Variants in SYNE1 observed in about 807,000 individuals in gnomAD.
SYNE1 encodes the protein nesprin-1.
SYNE1 carries 616 observed loss-of-function variants against 1,111.0 expected under a neutral mutation model. The ratio of observed to expected loss-of-function variants is 0.55; its 90% CI spans 0.52 to 0.59. The LOEUF is 0.59. SYNE1 is among the 20% of genes least tolerant of loss of function. The pLI, the probability that SYNE1 is intolerant of heterozygous loss-of-function variation, is 0.00. For missense variants in SYNE1, 10,006 were observed against 10,417.0 expected (o/e 0.96, Z 1.72); for synonymous variants, 3,855 against 3,825.8 (o/e 1.01, Z -0.28).
chr6:152,439,588 T>C (rs921468467), intron 32 of SYNE1, among the ~76,000 whole-genome samples: 1 of 152,214 alleles, frequency 6.6e-6, no homozygotes, highest in East Asian at 1.9e-4. Flanking sequence ...GAATATCGTA[T>C]AGACTTGAAA....
chr6:152,538,687 C>A (rs2099255659), intron 4 of SYNE1, among the ~76,000 whole-genome samples: 1 of 151,430 alleles, frequency 6.6e-6, no homozygotes, highest in Admixed American at 6.6e-5. Context: ...CAAATAGCTG[C>A]CAGATGGGAC....
intron 3 of SYNE1, among the ~76,000 whole-genome samples, chr6:152,551,532 C>T (rs2099346871): frequency 6.6e-6 from 1 of 152,120 alleles, no homozygotes; most frequent in Non-Finnish European, 1.5e-5. Flanking sequence ...CCTGAGAGTC[C>T]ATCAGGGAAA....
chr6:152,571,213 C>T (rs914110478), intron 3 of SYNE1, among the ~76,000 whole-genome samples: 9 of 152,142 alleles, frequency 5.9e-5, no homozygotes, highest in African/African-American at 2.2e-4. Flanking sequence ...AGAAATGACC[C>T]CTACTTGGTT....
chr6:152,230,501 C>A lies in SYNE1; in HGVS notation c.21195+46G>T. ...AGGCCTATAAACATATTAGCATACG[C>A]TATGAAATTGTGAGATGGTGCATGT... On this transcript the variant is annotated intron_variant, in intron 115 of 145. Coordinates refer to ENST00000367255, the MANE Select transcript of SYNE1 (RefSeq NM_182961.4). The A allele has an allele frequency of 1.9e-6, 3 of 1,588,708 alleles. No individual in the cohort carries two copies. In the South Asian group the frequency reaches 3.3e-5, roughly 18 times the overall value.
intron 6 of SYNE1, among the ~76,000 whole-genome samples, chr6:152,514,681 C>T (rs939416002): frequency 8.7e-5 from 13 of 148,812 alleles, no homozygotes; most frequent in East Asian, 3.9e-4. Flanking sequence ...AATGAAGAGA[C>T]GCCAAAGATT....
chr6:152,330,977 C>T lies in SYNE1; in HGVS notation c.13708G>A (p.Asp4570Asn). Residue 4570 changes from aspartate (D) to asparagine (N), a missense_variant, in exon 78 of 146, where the codon GAT becomes AAT. Physicochemically the swap from Asp to Asn is conservative, Grantham distance 23. This residue lies in a region of SYNE1 where 4,955 missense variants were observed against 5,017.2 expected (regional missense o/e 0.99). Transcript: ENST00000367255. ...AGCCAGTGGCAAGCTTTATCAAAAT[C>T]TTCCTTAAAATGCTTCCTAGAAACC... The part of the protein sequence containing the change: ...NLVSRKHFKE[D>N]FDKACHWLKQ... 1 of 1,614,154 alleles carries T rather than the reference C, an allele frequency of 6.2e-7. No individual in the cohort carries two copies. The highest frequency in any genetic ancestry group is 1.1e-5 in the South Asian group (1 of 91,070).
At chr6:152,131,864 G>A (rs755722915) in intron 144 of SYNE1, among the ~76,000 whole-genome samples, 1 of 152,150 alleles carries the variant, frequency 6.6e-6, no homozygotes, top group Non-Finnish European at 1.5e-5. Context: ...TTTCTTATTT[G>A]AGCAAGAAAA....
At chr6:152,173,711 AATTTGGAAGG>A (rs2065749537) in intron 130 of SYNE1, among the ~76,000 whole-genome samples, 1 of 152,172 alleles carries the variant, frequency 6.6e-6, no homozygotes, top group African/African-American at 2.4e-5. Context: ...AATCTAGTCT[AATTTGGAAGG>A]AGGCAATTAG....
intron 131 of SYNE1, 49 bp downstream of exon 131, chr6:152,164,114 G>T: frequency 6.2e-7 from 1 of 1,610,562 alleles, no homozygotes; most frequent in South Asian, 1.1e-5. Flanking sequence ...CTGGCCAGGA[G>T]GACAGATATT....
chr6:152,309,097 T>A (rs1354789359), intron 90 of SYNE1, among the ~76,000 whole-genome samples: 1 of 152,190 alleles, frequency 6.6e-6, no homozygotes, highest in Non-Finnish European at 1.5e-5. Context: ...GGTGGCTGGA[T>A]CATGTGAGCC....
intron 130 of SYNE1, among the ~76,000 whole-genome samples, chr6:152,175,980 C>T (rs2066367171): frequency 6.6e-6 from 1 of 151,654 alleles, no homozygotes; most frequent in Admixed American, 6.6e-5. Context: ...TATTTCTATA[C>T]CTTGCTAACT....
At chr6:152,125,299 T>C (rs1258954791) in intron 145 of SYNE1, 1 of 1,550,462 alleles carries the variant, frequency 6.4e-7, no homozygotes, top group African/African-American at 1.4e-5. Context: ...AAGAGAATCC[T>C]GAACTTGCAT....
intron 63 of SYNE1, among the ~76,000 whole-genome samples, chr6:152,363,497 CTAAA>C (rs72461138): frequency 0.15 from 21,166 of 143,978 alleles, 1,782 homozygotes; most frequent in East Asian, 0.27. Context: ...CCGTCTCAAA[CTAAA>C]TAAATAAATA....
At chr6:152,178,536 C>T (rs1288226234) in intron 129 of SYNE1, among the ~76,000 whole-genome samples, 1 of 152,174 alleles carries the variant, frequency 6.6e-6, no homozygotes, top group East Asian at 1.9e-4. Context: ...AGATTTGTAA[C>T]ATCATTAATA....
In SYNE1 at chr6:152,498,825, T is replaced by A. The variant is rs934791574; in HGVS notation, c.889-33A>T. 5.5e-6 allele frequency: 7 copies of A among 1,270,726 alleles called. No individual in the cohort carries two copies. The East Asian group carries it at 1.9e-4, about 34-fold the overall frequency. The allele number at this position is 1,270,726 out of a possible 1,614,324, so 78.7% of individuals were successfully genotyped here. On this transcript the variant is annotated intron_variant, in intron 10 of 145. Transcript: ENST00000367255. The stretch of plus-strand genomic sequence containing the variant: ...TATGAAAAGATAATATATAGAAATA[T>A]AATATAAATCAGGGTCAAAAATTAT...
chr6:152,293,624 A>G lies in SYNE1; in HGVS notation c.17976T>C (p.Pro5992=). 1 of 1,614,154 alleles carries G rather than the reference A, an allele frequency of 6.2e-7. No homozygotes were observed. Among genetic ancestry groups the G allele is most frequent in the East Asian group, 2.2e-5 (1 of 44,890 alleles). Reference sequence around the variant, plus strand: ...CCATCTGGCTTTCTGGACTCCTGCCAGGCTCTGGGCTCTCACTGAGTTTCA... The same window carrying G: ...CCATCTGGCTTTCTGGACTCCTGCCGGGCTCTGGGCTCTCACTGAGTTTCA... ...IELKLSESPE[P]GRSPESQMAE... The change falls in exon 95 of 146, where the codon CCT becomes CCC. Residue 5992 remains proline, a synonymous_variant. Transcript: ENST00000367255.
chr6:152,233,671 G>T lies in SYNE1; in HGVS notation c.20712+110C>A, dbSNP rs1271516135. On this transcript the variant is annotated intron_variant, in intron 112 of 145. Transcript: ENST00000367255. ...TACAACGGGAGAGAGAAGAGGCCAG[G>T]TGTCTGGGACAAAGCTGATATAAAT... 2.1e-5 allele frequency: 28 copies of T among 1,341,650 alleles called. No homozygotes were observed. In the Admixed American group the frequency reaches 5.4e-4, roughly 26 times the overall value. 83.1% of individuals were successfully genotyped at this position (1,341,650 alleles called of 1,614,324 possible).
rs543553253 is a variant in SYNE1 at position 152,352,828 on chromosome 6, C to T, written c.11253+435G>A. 3.3e-5 allele frequency among the ~76,000 whole-genome samples: 5 copies of T among 152,324 alleles called. No homozygotes were observed. In the South Asian group the frequency reaches 1.0e-3, roughly 32 times the overall value. ...TGCCAGGAATCAGGAACCTTGGCTT[C>T]TTTATTTCAATATAGGTTCTAAAAG... On this transcript the variant is annotated intron_variant, in intron 69 of 145. Coordinates refer to ENST00000367255, the MANE Select transcript of SYNE1 (RefSeq NM_182961.4).
intron 72 of SYNE1, among the ~76,000 whole-genome samples, chr6:152,347,579 G>C (rs2096659467): frequency 6.6e-6 from 1 of 151,652 alleles, no homozygotes; most frequent in African/African-American, 2.4e-5. Flanking sequence ...TTATAATTCT[G>C]GCATAATTTT....
Sources: gnomAD v4.1 joint callset for allele counts (sites outside exome capture counted in the v4.1 genomes callset) on GRCh38, gnomAD v4.1.1 for gene constraint, gnomAD v4.1.1 regional missense constraint, MANE v1.5 for transcripts, NCBI Gene and HGNC (gene_info 2026-07-23, HGNC 2026-07-21) for gene names.